BID: variants seen among roughly 807,000 people sequenced by gnomAD.
BID encodes BH3-interacting domain death agonist.
BID carries 19 observed loss-of-function variants against 17.4 expected under a neutral mutation model. The ratio of observed to expected loss-of-function variants is 1.09; its 90% CI spans 0.76 to 1.60. The LOEUF (loss-of-function observed/expected upper bound fraction) is 1.60, where lower values mean the gene tolerates loss of function less well. Among genes scored for constraint, BID ranks in the 40% most tolerant of loss-of-function variants. The probability of loss-of-function intolerance (pLI) is 0.00; values close to 1 mark genes in which losing one functional copy is unlikely to be tolerated. For missense variants in BID, 226 were observed against 256.0 expected (o/e 0.88, Z 0.80); for synonymous variants, 108 against 102.8 (o/e 1.05, Z -0.31).
At chr22:17,758,345 G>A (rs904656835) in intron 1 of BID, among the ~76,000 whole-genome samples, 3 of 152,186 alleles carry the variant, frequency 2.0e-5, no homozygotes, top group African/African-American at 2.4e-5. Context: ...GGCCCTGGCC[G>A]CACTAGGAAC....
intron 3 of BID, chr22:17,740,068 C>T (rs765521970): frequency 8.7e-6 from 14 of 1,610,152 alleles, no homozygotes; most frequent in Non-Finnish European, 1.2e-5. Context: ...TCCGTGCTGC[C>T]CCTGCCCGAG....
At position 17,735,066 on chromosome 22, in the gene BID, T is replaced by TAA. The variant is rs1338120846; in HGVS notation, c.*512_*513dup. 1 of 148,464 alleles carries TAA rather than the reference T, an allele frequency of 6.7e-6. No individual in the cohort carries two copies. The highest frequency in any genetic ancestry group is 6.6e-5 in the Admixed American group (1 of 15,064). 9.2% of individuals were successfully genotyped at this position (148,464 alleles called of 1,614,324 possible). Reference sequence around the variant, plus strand: ...AGGAAGATTGTTGGTTCCTTAGTATTAAGATAGATAGTCCCTATTTTGAGT... The same window carrying TAA: ...AGGAAGATTGTTGGTTCCTTAGTATTAAAAGATAGATAGTCCCTATTTTGAGT... On this transcript the variant is annotated 3_prime_UTR_variant, in exon 6 of 6. Coordinates refer to ENST00000622694, the MANE Select transcript of BID (RefSeq NM_001196.4).
chr22:17,767,863 A>G (rs1230696809), intron 1 of BID, among the ~76,000 whole-genome samples: 1 of 152,218 alleles, frequency 6.6e-6, no homozygotes, highest in Non-Finnish European at 1.5e-5. Flanking sequence ...AGGCAGGAGG[A>G]TCACTTGAGC....
intron 1 of BID, among the ~76,000 whole-genome samples, chr22:17,768,268 A>G (rs1601882099): frequency 6.6e-6 from 1 of 152,220 alleles, no homozygotes; most frequent in Non-Finnish European, 1.5e-5. Flanking sequence ...GTATGTCTCA[A>G]TCAAACGGTT....
At chr22:17,746,152 T>G (rs2061493757) in intron 2 of BID, among the ~76,000 whole-genome samples, 1 of 149,786 alleles carries the variant, frequency 6.7e-6, no homozygotes, top group Admixed American at 6.7e-5. Flanking sequence ...TTCTCACTTA[T>G]AAGTGGGAGC....
chr22:17,734,960 C>G lies in BID; in HGVS notation c.*620G>C, dbSNP rs2061409257. ...GAAACGAAGTTGAAAAAGTCAAGCC[C>G]CTGTGTACTGGGGCCGGACTTCCCA... On this transcript the variant is annotated 3_prime_UTR_variant, in exon 6 of 6. Coordinates refer to ENST00000622694, the MANE Select transcript of BID (RefSeq NM_001196.4). The G allele has an allele frequency of 6.6e-6, 1 of 152,264 alleles. No homozygotes were observed. Among genetic ancestry groups the G allele is most frequent in the African/African-American group, 2.4e-5 (1 of 41,450 alleles). 9.4% of individuals were successfully genotyped at this position (152,264 alleles called of 1,614,324 possible).
chr22:17,760,451 CAAAAAAAAAAAAAA>C (rs55817445), intron 1 of BID, among the ~76,000 whole-genome samples: 2 of 30,766 alleles, frequency 6.5e-5, no homozygotes, highest in Admixed American at 3.8e-4. Context: ...GACTCTGTCT[CAAAAAAAAAAAAAA>C]AAAAAAAAAA....
rs2061737697 is a variant in BID at position 17,773,662 on chromosome 22, C to A, written c.-59+719G>T. 6.2e-7 allele frequency: 1 copy of A among 1,611,350 alleles called. No individual in the cohort carries two copies. Among genetic ancestry groups the A allele is most frequent in the East Asian group, 2.2e-5 (1 of 44,878 alleles). ...GCCCGGCCCCTCGCTGCCCACCGAG[C>A]CATCATGACCCCAGCACCGCTGCAC... On this transcript the variant is annotated intron_variant, in intron 1 of 5. Transcript: ENST00000622694. This position sits in a 1 kb window ranked among gnomAD's most constrained non-coding sequence, Gnocchi z 4.4.
chr22:17,758,059 C>T (rs2061607010), intron 1 of BID, among the ~76,000 whole-genome samples: 1 of 152,208 alleles, frequency 6.6e-6, no homozygotes, highest in Non-Finnish European at 1.5e-5. Flanking sequence ...GCACCCGGCT[C>T]CACAAGCTGG....
chr22:17,741,424 A>G (rs1299987503), intron 3 of BID, among the ~76,000 whole-genome samples: 5 of 151,486 alleles, frequency 3.3e-5, no homozygotes, highest in African/African-American at 7.3e-5. Context: ...AGTACGTCTG[A>G]CTTAACTTCC....
At chr22:17,760,306 G>C (rs1601870275) in intron 1 of BID, among the ~76,000 whole-genome samples, 1 of 150,956 alleles carries the variant, frequency 6.6e-6, no homozygotes, top group Non-Finnish European at 1.5e-5. Flanking sequence ...CAAAAACTTA[G>C]CCAGGTGAGG....
In BID at chr22:17,735,469, T is replaced by G; in HGVS notation, c.*111A>C. The G allele has an allele frequency of 7.8e-7, 1 of 1,281,516 alleles. No homozygotes were observed. 79.4% of individuals were successfully genotyped at this position (1,281,516 alleles called of 1,614,324 possible). ...TAGAAGTCACAGCTATCTTCCAGCC[T>G]GTCTTCTCTAGGAACGCTGTTGACA... On this transcript the variant is annotated 3_prime_UTR_variant, in exon 6 of 6. Coordinates refer to ENST00000622694, the MANE Select transcript of BID (RefSeq NM_001196.4).
At chr22:17,770,051 C>A (rs1443835476) in intron 1 of BID, among the ~76,000 whole-genome samples, 1 of 152,112 alleles carries the variant, frequency 6.6e-6, no homozygotes, top group Admixed American at 6.5e-5. Flanking sequence ...CCTTTCTTTC[C>A]ACCCCCATAT....
chr22:17,757,671 T>C (rs1005490769), intron 1 of BID, among the ~76,000 whole-genome samples: 1 of 146,072 alleles, frequency 6.8e-6, no homozygotes, highest in Non-Finnish European at 1.5e-5. Context: ...ATAGCGCCAC[T>C]GTACTCCAGC....
intron 5 of BID, among the ~76,000 whole-genome samples, chr22:17,736,721 AAG>A (rs1437907370): frequency 6.6e-6 from 1 of 152,030 alleles, no homozygotes; most frequent in East Asian, 1.9e-4. Context: ...GGCTCAAGCA[AAG>A]AGATCCTTCT....
chr22:17,755,688 T>A (rs2061577118), intron 1 of BID, among the ~76,000 whole-genome samples: 1 of 150,998 alleles, frequency 6.6e-6, no homozygotes, highest in African/African-American at 2.4e-5. Context: ...GTAATCCAGC[T>A]ACTCAGGAGG....
chr22:17,746,169 A>G (rs2061493838), intron 2 of BID, among the ~76,000 whole-genome samples: 1 of 149,522 alleles, frequency 6.7e-6, no homozygotes, highest in Non-Finnish European at 1.5e-5. Context: ...GAGCTAAACA[A>G]TGGGTGCCCA....
chr22:17,754,589 A>G (rs1463091245), intron 1 of BID, among the ~76,000 whole-genome samples: 1 of 152,250 alleles, frequency 6.6e-6, no homozygotes, highest in African/African-American at 2.4e-5. Context: ...AGATAGAGGC[A>G]TGGGTCACAC....
chr22:17,736,574 C>T (rs1230962761), intron 5 of BID, among the ~76,000 whole-genome samples: 4 of 152,114 alleles, frequency 2.6e-5, no homozygotes, highest in African/African-American at 9.7e-5. Context: ...GATTTTGCTA[C>T]ATGGGGGCAG....
Sources: gnomAD v4.1 joint callset for allele counts (sites outside exome capture counted in the v4.1 genomes callset) on GRCh38, gnomAD v4.1.1 for gene constraint, Gnocchi (gnomAD v3.1) non-coding constraint, MANE v1.5 for transcripts, NCBI Gene and HGNC (gene_info 2026-07-23, HGNC 2026-07-21) for gene names.